The following UBAC1 variants were observed in gnomAD, a reference collection of about 807,000 sequenced individuals.
UBAC1 encodes the protein UBA domain containing 1, also known as ubiquitin-associated domain-containing protein 1.
In UBAC1, 27 loss-of-function variants were observed where a neutral mutation model predicts 45.9. That is an observed-to-expected ratio of 0.59 (90% CI 0.43 to 0.81). UBAC1 has a LOEUF of 0.81. Ranked by LOEUF, UBAC1 falls within the 30% of genes least tolerant of loss-of-function variation. The pLI, the probability that UBAC1 is intolerant of heterozygous loss-of-function variation, is 0.00. For synonymous variants in UBAC1, 227 were observed against 215.5 expected, an observed-to-expected ratio of 1.05 and a Z score of -0.47; for missense variants, 529 against 539.2, an observed-to-expected ratio of 0.98 and a Z score of 0.19.
intron 3 of UBAC1, 140 bp from the exon 4 acceptor site, chr9:135,948,045 G>C (rs1839359506): frequency 1.4e-6 from 1 of 705,324 alleles, no homozygotes; most frequent in Admixed American, 2.8e-5. Flanking sequence ...TGATGAGCTG[G>C]GGGAGCCTGG....
rs764396142 is a variant in UBAC1 at position 135,933,350 on chromosome 9, G to A, written c.*50C>T. On this transcript the variant is annotated 3_prime_UTR_variant, in exon 10 of 10. Coordinates refer to ENST00000371756, the MANE Select transcript of UBAC1 (RefSeq NM_016172.3). ...TGAGGTCCACTCTGCCCGGTCTCGG[G>A]CCGCACCAGGGGGCTGCTGTGGCCT... The A allele has an allele frequency of 2.0e-6, 3 of 1,533,440 alleles. No individual in the cohort carries two copies. Among genetic ancestry groups the A allele is most frequent in the African/African-American group, 1.4e-5 (1 of 73,318 alleles). 95.0% of individuals were successfully genotyped at this position (1,533,440 alleles called of 1,614,324 possible).
At chr9:135,948,966 A>G (rs1374774189) in intron 3 of UBAC1, among the ~76,000 whole-genome samples, 1 of 151,782 alleles carries the variant, frequency 6.6e-6, no homozygotes, top group Non-Finnish European at 1.5e-5. Flanking sequence ...GCTACCCGGG[A>G]GGCTGAGGCA....
At chr9:135,938,018 G>A (rs368066357) in intron 9 of UBAC1, among the ~76,000 whole-genome samples, 2 of 152,096 alleles carry the variant, frequency 1.3e-5, no homozygotes, top group Non-Finnish European at 2.9e-5. Flanking sequence ...GTCACACCAC[G>A]ATCAGAACCT....
At chr9:135,947,748 C>A in intron 4 of UBAC1, 50 bp downstream of exon 4, 1 of 1,505,706 alleles carries the variant, frequency 6.6e-7, no homozygotes, top group Middle Eastern at 1.8e-4. Flanking sequence ...CACAGCAATC[C>A]CCCACACGGG....
chr9:135,940,415 T>C (rs1393932552), intron 7 of UBAC1, among the ~76,000 whole-genome samples: 1 of 151,760 alleles, frequency 6.6e-6, no homozygotes, highest in African/African-American at 2.4e-5. Flanking sequence ...CCGTCTCTAC[T>C]AAAAATACAA....
chr9:135,943,986 G>C (rs986092597), intron 7 of UBAC1, among the ~76,000 whole-genome samples: 2 of 152,172 alleles, frequency 1.3e-5, no homozygotes, highest in Admixed American at 6.5e-5. Context: ...CTGGGGGAGG[G>C]AGAGCATCAT....
intron 1 of UBAC1, among the ~76,000 whole-genome samples, chr9:135,957,929 C>A (rs1839486293): frequency 6.6e-6 from 1 of 151,734 alleles, no homozygotes; most frequent in Admixed American, 6.6e-5. Flanking sequence ...AGTCCGCGAC[C>A]ATGCCAGGCT....
chr9:135,938,749 G>A (rs905426709), intron 8 of UBAC1, among the ~76,000 whole-genome samples: 1 of 146,786 alleles, frequency 6.8e-6, no homozygotes, highest in Non-Finnish European at 1.5e-5. Flanking sequence ...GAGCCATGAG[G>A]ACACAGGCTC....
intron 1 of UBAC1, 82 bp from the exon 2 acceptor site, chr9:135,955,497 C>T: frequency 1.5e-6 from 2 of 1,355,536 alleles, no homozygotes; most frequent in Non-Finnish European, 1.9e-6. Context: ...CCAAGCTACA[C>T]CAGGAATTTA....
chr9:135,933,961 C>A (rs1024954153), intron 9 of UBAC1, among the ~76,000 whole-genome samples: 3 of 152,176 alleles, frequency 2.0e-5, no homozygotes, highest in African/African-American at 4.8e-5. Flanking sequence ...ATTCCTTCTT[C>A]AAAAAACCAG....
At chr9:135,955,462 T>G (rs1839456411) in intron 1 of UBAC1, 47 bp from the exon 2 acceptor site, 1 of 1,490,532 alleles carries the variant, frequency 6.7e-7, no homozygotes, top group South Asian at 1.4e-5. Flanking sequence ...TAAATCGTAA[T>G]TCTAATAATA....
chr9:135,955,264 C>A, intron 2 of UBAC1, 31 bp downstream of exon 2: 1 of 1,525,200 alleles, frequency 6.6e-7, no homozygotes, highest in Non-Finnish European at 8.8e-7. Context: ...ACGATGCCTG[C>A]TGCCAACCCG....
chr9:135,939,177 G>T (rs952889339), intron 8 of UBAC1, among the ~76,000 whole-genome samples: 3 of 151,040 alleles, frequency 2.0e-5, no homozygotes, highest in Admixed American at 1.3e-4. Context: ...CTCCAGCCTG[G>T]GGGACAGAGT....
At chr9:135,949,933 G>C (rs903049957) in intron 3 of UBAC1, among the ~76,000 whole-genome samples, 3 of 152,238 alleles carry the variant, frequency 2.0e-5, no homozygotes, top group Admixed American at 2.0e-4. Context: ...CACTTCAGAA[G>C]TCCTGTTGCT....
In UBAC1 at chr9:135,961,202, C is replaced by A. The variant is rs1245916037; in HGVS notation, c.-40G>T. ...AGGGGCCTGCGCCCGCCACCCGGGCCCCTGAAGGTCACCGGGAAGGCGGGC... is the reference window on the plus strand; with the variant it reads ...AGGGGCCTGCGCCCGCCACCCGGGCACCTGAAGGTCACCGGGAAGGCGGGC... On this transcript the variant is annotated 5_prime_UTR_variant, in exon 1 of 10. Transcript: ENST00000371756. 3 of 1,468,068 alleles carry A rather than the reference C, an allele frequency of 2.0e-6. No homozygotes were observed. The South Asian group carries it at 3.9e-5, about 19-fold the overall frequency. 90.9% of individuals were successfully genotyped at this position (1,468,068 alleles called of 1,614,324 possible). A position where few individuals can be genotyped will look rare whatever the true frequency, so the allele number is the denominator to read the frequency against.
intron 7 of UBAC1, 131 bp downstream of exon 7, chr9:135,944,897 G>C (rs1839308465): frequency 2.2e-6 from 2 of 924,970 alleles, no homozygotes; most frequent in East Asian, 5.6e-5. Context: ...CCCTTCCCCA[G>C]CTTCTCTCTC....
chr9:135,946,073 C>A, intron 5 of UBAC1, 76 bp from the exon 6 acceptor site: 1 of 1,401,788 alleles, frequency 7.1e-7, no homozygotes, highest in Non-Finnish European at 1.0e-6. Context: ...ACATTTGCAG[C>A]AATTATCTGT....
rs370621094 is a variant in UBAC1, at chr9:135,945,924, C to T, written c.618G>A (p.Pro206=). 44 of 1,613,948 alleles carry T rather than the reference C, an allele frequency of 2.7e-5. 1 individual carries two copies. Among genetic ancestry groups the T allele is most frequent in the African/African-American group, 9.3e-5 (7 of 74,908 alleles). ...GAAGGGCCTTGGTGGCTCTGTTCTC[C>T]GGAAAGCCCATCTCCGTGAGCTGCC... ...ALRQLTEMGF[P]ENRATKALQL... The change falls in exon 6 of 10, where the codon CCG becomes CCA. Residue 206 remains proline (P), a synonymous_variant. Coordinates refer to ENST00000371756, the MANE Select transcript of UBAC1 (RefSeq NM_016172.3).
intron 6 of UBAC1, 160 bp from the exon 7 acceptor site, chr9:135,945,410 A>G: frequency 1.6e-6 from 1 of 639,846 alleles, no homozygotes; most frequent in Non-Finnish European, 2.6e-6. Context: ...GTGCGACGGA[A>G]GCGCTGGTCC....
Sources: gnomAD v4.1 joint callset for allele counts (sites outside exome capture counted in the v4.1 genomes callset) on GRCh38, gnomAD v4.1.1 for gene constraint, MANE v1.5 for transcripts, NCBI Gene and HGNC (gene_info 2026-07-23, HGNC 2026-07-21) for gene names.